Variants in ZBTB20 observed in about 807,000 individuals in gnomAD.
ZBTB20 encodes zinc finger and BTB domain-containing protein 20.
Under a neutral mutation model 56.9 loss-of-function variants are expected in ZBTB20, and 9 were observed. The observed-to-expected ratio is 0.16, with a 90% confidence interval of 0.10 to 0.28. The LOEUF (loss-of-function observed/expected upper bound fraction) is 0.28, where lower values mean the gene tolerates loss of function less well. Among genes scored for constraint, ZBTB20 ranks in the 10% least tolerant of loss-of-function variants. The pLI is 1.00. For synonymous variants in ZBTB20, 417 were observed against 420.7 expected (o/e 0.99, Z 0.11); for missense variants, 655 against 1,003.0 (o/e 0.65, Z 4.69).
chr3:114,833,832 G>A (rs1361245751), intron 4 of ZBTB20, among the ~76,000 whole-genome samples: 4 of 151,742 alleles, frequency 2.6e-5, no homozygotes, highest in East Asian at 1.9e-4. Flanking sequence ...GCACCTGGCC[G>A]AGGGTCTTAT....
At chr3:114,415,737 G>C (rs1029308479) in intron 7 of ZBTB20, among the ~76,000 whole-genome samples, 1 of 152,074 alleles carries the variant, frequency 6.6e-6, no homozygotes, top group Non-Finnish European at 1.5e-5. Context: ...CACGGGGCTT[G>C]ATACTAATGC....
At chr3:114,503,346 G>T (rs999612997) in intron 6 of ZBTB20, among the ~76,000 whole-genome samples, 1 of 152,058 alleles carries the variant, frequency 6.6e-6, no homozygotes, top group Non-Finnish European at 1.5e-5. Context: ...TAATAGTATG[G>T]CTAAAAATTT....
chr3:114,642,563 C>G (rs534720124), intron 6 of ZBTB20, among the ~76,000 whole-genome samples: 1 of 151,950 alleles, frequency 6.6e-6, no homozygotes, highest in Non-Finnish European at 1.5e-5. Flanking sequence ...GCAGTAGTTA[C>G]GGTACCACAA....
intron 6 of ZBTB20, chr3:114,520,187 T>G (rs2046470264): frequency 6.6e-6 from 1 of 152,008 alleles, no homozygotes; most frequent in African/African-American, 2.4e-5. Context: ...AAAGATGACT[T>G]CTCTCTCACT....
intron 7 of ZBTB20, among the ~76,000 whole-genome samples, chr3:114,446,182 G>T (rs1439126609): frequency 6.6e-6 from 1 of 152,010 alleles, no homozygotes; most frequent in Admixed American, 6.6e-5. Flanking sequence ...TATGTTATAA[G>T]GTTTGCAGGG....
intron 2 of ZBTB20, among the ~76,000 whole-genome samples, chr3:115,062,405 C>G (rs1425610980): frequency 6.6e-6 from 1 of 152,090 alleles, no homozygotes; most frequent in Non-Finnish European, 1.5e-5. Flanking sequence ...CTTTTCCTCC[C>G]AAAACCAAAT....
intron 6 of ZBTB20, among the ~76,000 whole-genome samples, chr3:114,575,329 T>C (rs2053893426): frequency 6.6e-6 from 1 of 152,164 alleles, no homozygotes; most frequent in Admixed American, 6.5e-5. Context: ...ATCAATCAAA[T>C]GTATCATTAG....
At position 115,132,473 on chromosome 3, in the gene ZBTB20, G is replaced by T. The variant is rs72945798; in HGVS notation, c.-703+14746C>A. ...CATATATCATCAGCAAGAGACACCT[G>T]ACATTCTTCTCTACAAATGTTAATG... On this transcript the variant is annotated intron_variant, in intron 1 of 11. Coordinates refer to ENST00000675478, the MANE Select transcript of ZBTB20 (RefSeq NM_001348800.3). Among the ~76,000 whole-genome samples the T allele has an allele frequency of 3.2e-3, 486 of 152,228 alleles. 5 individuals carry two copies. Among genetic ancestry groups the T allele is most frequent in the African/African-American group, 0.011 (471 of 41,546 alleles).
At chr3:114,767,923 G>T (rs1321372930) in intron 5 of ZBTB20, among the ~76,000 whole-genome samples, 1 of 151,916 alleles carries the variant, frequency 6.6e-6, no homozygotes, top group Non-Finnish European at 1.5e-5. Context: ...CCAAGGAAGG[G>T]GTGGGGAGAA....
At chr3:114,809,156 A>AT (rs961084509) in intron 4 of ZBTB20, among the ~76,000 whole-genome samples, 32 of 151,644 alleles carry the variant, frequency 2.1e-4, no homozygotes, top group Admixed American at 1.2e-3. Context: ...CTATGTACAG[A>AT]TTTTTTTTGT....
chr3:114,435,133 C>T (rs2090428450), intron 7 of ZBTB20, among the ~76,000 whole-genome samples: 1 of 152,086 alleles, frequency 6.6e-6, no homozygotes. Flanking sequence ...CAGCCATTCA[C>T]TCAAACAAGA....
chr3:114,827,125 TG>T (rs1466505972), intron 4 of ZBTB20, among the ~76,000 whole-genome samples: 2 of 151,756 alleles, frequency 1.3e-5, no homozygotes, highest in African/African-American at 4.8e-5. Context: ...ACATAATAGT[TG>T]CTAATCAAAA....
intron 3 of ZBTB20, among the ~76,000 whole-genome samples, chr3:114,901,202 C>T (rs983891526): frequency 6.6e-6 from 1 of 151,014 alleles, no homozygotes; most frequent in Non-Finnish European, 1.5e-5. Context: ...GTCAGGAGTT[C>T]GAGACTAGCC....
intron 6 of ZBTB20, among the ~76,000 whole-genome samples, chr3:114,507,506 T>A (rs566339461): frequency 1.1e-4 from 17 of 152,308 alleles, no homozygotes; most frequent in African/African-American, 4.1e-4. Context: ...TCAGCATTTT[T>A]GTCCTAGGGC....
Position 115,025,907 on chromosome 3 carries a change from T to C in ZBTB20, c.-507+45312A>G, listed in dbSNP as rs1261764999. 4.7e-5 allele frequency among the ~76,000 whole-genome samples: 7 copies of C among 148,960 alleles called. No homozygotes were observed. The East Asian group carries it at 1.2e-3, about 25-fold the overall frequency. On this transcript the variant is annotated intron_variant, in intron 2 of 11. Transcript: ENST00000675478. ...ATAAAATATACTAAAATACTAAATA[T>C]ATAAAATATTTAAAAATACTAAATA...
chr3:114,813,016 G>A (rs2108886030), intron 4 of ZBTB20, among the ~76,000 whole-genome samples: 1 of 152,310 alleles, frequency 6.6e-6, no homozygotes, highest in Admixed American at 6.5e-5. Flanking sequence ...GCGCAGCCCC[G>A]GTTCCCGCCC....
At chr3:114,938,913 G>A (rs1342046756) in intron 3 of ZBTB20, among the ~76,000 whole-genome samples, 1 of 145,436 alleles carries the variant, frequency 6.9e-6, no homozygotes, top group East Asian at 1.9e-4. Context: ...ATACAAAAAA[G>A]AAAGTCTCAG....
intron 11 of ZBTB20, among the ~76,000 whole-genome samples, chr3:114,349,715 TACCACTTATAG>T (rs1198913815): frequency 6.6e-6 from 1 of 152,208 alleles, no homozygotes; most frequent in Admixed American, 6.5e-5. Context: ...TAATAATAGC[TACCACTTATAG>T]AGCACTTATT....
chr3:114,510,740 G>T (rs2045266468), intron 6 of ZBTB20, among the ~76,000 whole-genome samples: 1 of 152,024 alleles, frequency 6.6e-6, no homozygotes, highest in Non-Finnish European at 1.5e-5. Flanking sequence ...TTAACTTCTT[G>T]CAGTGTCCAT....
Sources: allele counts gnomAD v4.1 joint callset (sites outside exome capture counted in the v4.1 genomes callset), GRCh38; gene constraint gnomAD v4.1.1; transcripts MANE v1.5; gene names NCBI Gene and HGNC (gene_info 2026-07-23, HGNC 2026-07-21).